PTPRD: variants seen among roughly 807,000 people sequenced by gnomAD.
The protein encoded by PTPRD is receptor-type tyrosine-protein phosphatase delta.
Under a neutral mutation model 214.5 loss-of-function variants are expected in PTPRD, and 34 were observed. The observed-to-expected ratio is 0.16, with a 90% CI of 0.12 to 0.21. The LOEUF is 0.21. Ranked by LOEUF, PTPRD falls within the 10% of genes least tolerant of loss-of-function variation. PTPRD has a pLI of 1.00. For synonymous variants in PTPRD, 1,128 were observed against 845.7 expected, an observed-to-expected ratio of 1.33 and a Z score of -5.79; for missense variants, 2,545 against 2,398.7, an observed-to-expected ratio of 1.06 and a Z score of -1.27.
At chr9:9,191,348 T>C (rs188454922) in intron 9 of PTPRD, among the ~76,000 whole-genome samples, 1 of 152,234 alleles carries the variant, frequency 6.6e-6, no homozygotes, top group East Asian at 1.9e-4. Context: ...AACTTGAGTG[T>C]GGATCTTCTT....
chr9:9,245,307 G>A (rs71497130), intron 9 of PTPRD, among the ~76,000 whole-genome samples: 20,183 of 152,106 alleles, frequency 0.13, 1,618 homozygotes, highest in Middle Eastern at 0.24. Flanking sequence ...CTGCTATGAA[G>A]ACACATGCAC....
At chr9:10,342,605 T>A (rs1335087967) in intron 2 of PTPRD, among the ~76,000 whole-genome samples, 1 of 152,144 alleles carries the variant, frequency 6.6e-6, no homozygotes, top group Admixed American at 6.6e-5. Flanking sequence ...TGTCCTCAAA[T>A]GTATAAATAC....
intron 7 of PTPRD, among the ~76,000 whole-genome samples, chr9:9,715,282 A>T (rs1204185767): frequency 6.6e-6 from 1 of 152,046 alleles, no homozygotes; most frequent in Non-Finnish European, 1.5e-5. Flanking sequence ...ACATTTTTCA[A>T]CTCTAAATTC....
At chr9:10,179,271 G>A (rs1159428767) in intron 3 of PTPRD, among the ~76,000 whole-genome samples, 2 of 151,954 alleles carry the variant, frequency 1.3e-5, no homozygotes, top group Non-Finnish European at 2.9e-5. Context: ...TTAAATTTGA[G>A]CTGAAAGCAG....
intron 3 of PTPRD, among the ~76,000 whole-genome samples, chr9:10,103,395 T>TATATATATATATATATATATA (rs34926923): frequency 0.013 from 1,518 of 116,242 alleles, 131 homozygotes; most frequent in African/African-American, 0.024. Context: ...ATATATATAT[T>TATATATATATATATATATATA]TATTTAAGAG....
intron 30 of PTPRD, 49 bp downstream of exon 30, chr9:8,484,070 T>C: frequency 6.4e-7 from 1 of 1,573,626 alleles, no homozygotes; most frequent in Non-Finnish European, 8.6e-7. Context: ...ATAATGTTCC[T>C]ATTTACCTAT....
At chr9:8,793,491 G>A (rs2096302344) in intron 11 of PTPRD, among the ~76,000 whole-genome samples, 1 of 152,164 alleles carries the variant, frequency 6.6e-6, no homozygotes, top group African/African-American at 2.4e-5. Context: ...ACAGATTCCT[G>A]ACCCTCAGAA....
At chr9:8,644,453 G>A (rs1388015000) in intron 12 of PTPRD, among the ~76,000 whole-genome samples, 1 of 152,198 alleles carries the variant, frequency 6.6e-6, no homozygotes, top group African/African-American at 2.4e-5. Context: ...CAGCCAACTG[G>A]CAAGGCTAAA....
chr9:9,599,304 A>G (rs1165893442), intron 7 of PTPRD, among the ~76,000 whole-genome samples: 1 of 152,212 alleles, frequency 6.6e-6, no homozygotes, highest in East Asian at 1.9e-4. Flanking sequence ...AGCCTTAGAA[A>G]GGACACACAA....
At chr9:8,346,781 GAA>G (rs1466331125) in intron 39 of PTPRD, among the ~76,000 whole-genome samples, 12 of 152,138 alleles carry the variant, frequency 7.9e-5, no homozygotes. Flanking sequence ...GTGAAAAGGT[GAA>G]AGTTTTCAAT....
chr9:9,972,211 G>C (rs982318368), intron 4 of PTPRD, among the ~76,000 whole-genome samples: 1 of 152,016 alleles, frequency 6.6e-6, no homozygotes, highest in African/African-American at 2.4e-5. Context: ...AACATTTCTA[G>C]TAGTGTTCTT....
At position 8,500,892 on chromosome 9, in the gene PTPRD, C is replaced by T. The variant is rs184665510; in HGVS notation, c.1990G>A (p.Gly664Arg). Residue 664 changes from glycine to arginine, a missense_variant, in exon 24 of 46, where the codon GGA (glycine) becomes AGA (arginine). Physicochemically the swap from Gly to Arg is moderately radical, Grantham distance 125. Transcript: ENST00000381196. Reference protein sequence around the residue: ...GEDDKPHEILGIPSDTTKYLL... With the variant: ...GEDDKPHEILRIPSDTTKYLL... Reference sequence around the variant, plus strand: ...TATTTGGTAGTGTCCGAAGGAATTCCCAAAATCTCGTGAGGCTTGTCATCT... The same window carrying T: ...TATTTGGTAGTGTCCGAAGGAATTCTCAAAATCTCGTGAGGCTTGTCATCT... The T allele has an allele frequency of 5.0e-6, 8 of 1,614,068 alleles. No individual in the cohort carries two copies. The highest frequency in any genetic ancestry group is 3.3e-5 in the Admixed American group (2 of 60,016).
intron 12 of PTPRD, among the ~76,000 whole-genome samples, chr9:8,656,953 A>G (rs1260887501): frequency 1.3e-5 from 2 of 152,186 alleles, no homozygotes; most frequent in African/African-American, 2.4e-5. Flanking sequence ...CACATTACCA[A>G]TAGTAAGTTG....
intron 2 of PTPRD, among the ~76,000 whole-genome samples, chr9:10,562,927 T>A (rs895867751): frequency 6.6e-6 from 1 of 152,182 alleles, no homozygotes; most frequent in Non-Finnish European, 1.5e-5. Context: ...CAGCCATGAT[T>A]GTTGTAACTA....
chr9:10,391,354 G>A (rs1028169652), intron 2 of PTPRD, among the ~76,000 whole-genome samples: 3 of 151,614 alleles, frequency 2.0e-5, no homozygotes, highest in African/African-American at 7.3e-5. Context: ...ATCCATCATA[G>A]TCAGAGAGGG....
chr9:8,990,924 G>A (rs766916405), intron 11 of PTPRD, among the ~76,000 whole-genome samples: 28 of 151,908 alleles, frequency 1.8e-4, no homozygotes, highest in Non-Finnish European at 3.2e-4. Context: ...GCATAAAAAC[G>A]GATTGATAGG....
intron 39 of PTPRD, among the ~76,000 whole-genome samples, chr9:8,352,928 T>C (rs1317487095): frequency 3.3e-5 from 5 of 152,018 alleles, no homozygotes; most frequent in African/African-American, 9.7e-5. Flanking sequence ...CTGGCCAACA[T>C]GGTGAAACCC....
At chr9:9,457,809 A>G (rs1184430431) in intron 8 of PTPRD, among the ~76,000 whole-genome samples, 1 of 151,950 alleles carries the variant, frequency 6.6e-6, no homozygotes, top group African/African-American at 2.4e-5. Context: ...CAAATTATGT[A>G]TGTTCCCCTC....
chr9:8,457,714 T>C (rs2096257121), intron 33 of PTPRD, among the ~76,000 whole-genome samples: 1 of 152,146 alleles, frequency 6.6e-6, no homozygotes. Flanking sequence ...ATTATCAATA[T>C]AATGTGAGTC....
Sources: gnomAD v4.1 joint callset for allele counts (sites outside exome capture counted in the v4.1 genomes callset) on GRCh38, gnomAD v4.1.1 for gene constraint, MANE v1.5 for transcripts, NCBI Gene and HGNC (gene_info 2026-07-23, HGNC 2026-07-21) for gene names.